The following IMMP2L variants were observed in gnomAD, a reference collection of about 807,000 sequenced individuals.
IMMP2L encodes the protein mitochondrial inner membrane protease subunit 2.
In IMMP2L, 18 loss-of-function variants were observed where a neutral mutation model predicts 19.3. That is an observed-to-expected ratio of 0.93 (90% CI 0.64 to 1.38). The LOEUF is 1.38. Among genes scored for constraint, IMMP2L ranks in the 40% most tolerant of loss-of-function variants. IMMP2L has a pLI of 0.00. For missense variants in IMMP2L, 233 were observed against 218.2 expected (o/e 1.07, Z -0.43); for synonymous variants, 76 against 73.0 (o/e 1.04, Z -0.21).
intron 5 of IMMP2L, among the ~76,000 whole-genome samples, chr7:110,744,263 A>G (rs1198238643): frequency 6.6e-6 from 1 of 152,198 alleles, no homozygotes. Flanking sequence ...ACTTATAGAT[A>G]TAACCCCCAC....
chr7:110,713,405 T>A (rs1019341357), intron 5 of IMMP2L, among the ~76,000 whole-genome samples: 1 of 152,342 alleles, frequency 6.6e-6, no homozygotes, highest in East Asian at 1.9e-4. Flanking sequence ...TCTTTTTCTG[T>A]TTCCATACGA....
intron 3 of IMMP2L, among the ~76,000 whole-genome samples, chr7:111,175,017 C>T (rs1806883688): frequency 6.6e-6 from 1 of 151,862 alleles, no homozygotes; most frequent in Non-Finnish European, 1.5e-5. Flanking sequence ...AAAGCACATA[C>T]TGAACTCTAT....
intron 3 of IMMP2L, among the ~76,000 whole-genome samples, chr7:111,119,344 T>C (rs1563263528): frequency 6.6e-6 from 1 of 152,184 alleles, no homozygotes; most frequent in Non-Finnish European, 1.5e-5. Context: ...TCTGTTTACT[T>C]CTGTTTCCCC....
At chr7:111,073,864 T>C (rs763910755) in intron 3 of IMMP2L, among the ~76,000 whole-genome samples, 7 of 152,202 alleles carry the variant, frequency 4.6e-5, no homozygotes, top group Non-Finnish European at 8.8e-5. Flanking sequence ...CCTTTGTCTT[T>C]GTTGTAGGGA....
chr7:110,722,197 A>C (rs1795617190), intron 5 of IMMP2L, among the ~76,000 whole-genome samples: 1 of 152,156 alleles, frequency 6.6e-6, no homozygotes, highest in African/African-American at 2.4e-5. Context: ...GGAGCGATGA[A>C]AAACCTGAAG....
intron 3 of IMMP2L, among the ~76,000 whole-genome samples, chr7:111,081,313 C>T (rs1468660364): frequency 6.6e-6 from 1 of 152,172 alleles, no homozygotes; most frequent in Non-Finnish European, 1.5e-5. Context: ...TAAAAACAAA[C>T]AAACAAAAGA....
intron 4 of IMMP2L, among the ~76,000 whole-genome samples, chr7:110,952,320 T>C (rs1048056049): frequency 9.9e-5 from 15 of 152,124 alleles, no homozygotes; most frequent in Non-Finnish European, 2.2e-4. Flanking sequence ...TTTTTTGAAC[T>C]TTTGCATGAG....
At chr7:110,782,531 T>C (rs1799808375) in intron 5 of IMMP2L, among the ~76,000 whole-genome samples, 1 of 151,874 alleles carries the variant, frequency 6.6e-6, no homozygotes, top group South Asian at 2.1e-4. Flanking sequence ...TAAGACTTTT[T>C]TTGTAACTGT....
chr7:111,351,379 C>T (rs942016712), intron 3 of IMMP2L, among the ~76,000 whole-genome samples: 1 of 151,932 alleles, frequency 6.6e-6, no homozygotes, highest in Non-Finnish European at 1.5e-5. Flanking sequence ...TTAGTAGAGA[C>T]GGGGTTTCAC....
rs570782868 is a variant in IMMP2L, at chr7:110,918,696, T to C, written c.306-32001A>G. The stretch of plus-strand genomic sequence containing the variant: ...GTCTTGAACTCCTGACCTCATGATC[T>C]GCCCACCTCGCCCTCTCAAAGTGCT... On this transcript the variant is annotated intron_variant, in intron 4 of 5. Coordinates refer to ENST00000405709, the MANE Select transcript of IMMP2L (RefSeq NM_032549.4). 8.9e-3 allele frequency among the ~76,000 whole-genome samples: 1,350 copies of C among 152,092 alleles called. 14 individuals are homozygous for C. The highest frequency in any genetic ancestry group is 0.018 in the Admixed American group (276 of 15,266).
chr7:111,461,853 G>A lies in IMMP2L; in HGVS notation c.239+25385C>T, dbSNP rs139144662. Among the ~76,000 whole-genome samples, 804 of 151,986 alleles carry A rather than the reference G, an allele frequency of 5.3e-3. 4 individuals are homozygous for A. The highest frequency in any genetic ancestry group is 8.3e-3 in the Non-Finnish European group (561 of 67,932). ...CAACTGTTTCTGTATCACTTGCAAC[G>A]TCACAGCATTCCTTCAAAATGTATT... On this transcript the variant is annotated intron_variant, in intron 3 of 5. Coordinates refer to ENST00000405709, the MANE Select transcript of IMMP2L (RefSeq NM_032549.4).
chr7:111,521,550 T>A (rs1846333801), intron 1 of IMMP2L, 101 bp from the exon 2 acceptor site: 2 of 985,492 alleles, frequency 2.0e-6, no homozygotes, highest in East Asian at 5.0e-5. Context: ...CGAAGGGCAA[T>A]CTTGTCTCTT....
intron 3 of IMMP2L, among the ~76,000 whole-genome samples, chr7:111,243,397 G>C (rs914564097): frequency 6.6e-6 from 1 of 151,872 alleles, no homozygotes; most frequent in African/African-American, 2.4e-5. Flanking sequence ...TTATATTCTT[G>C]CATGGACTAG....
chr7:111,415,464 C>A (rs565779651), intron 3 of IMMP2L, among the ~76,000 whole-genome samples: 2 of 151,882 alleles, frequency 1.3e-5, no homozygotes, highest in East Asian at 3.9e-4. Flanking sequence ...TTACAAGCCA[C>A]TAAGTTTGTG....
At chr7:110,763,770 T>C (rs1042083554) in intron 5 of IMMP2L, among the ~76,000 whole-genome samples, 1 of 152,128 alleles carries the variant, frequency 6.6e-6, no homozygotes, top group African/African-American at 2.4e-5. Context: ...ATCATTGTTG[T>C]TGGACAGAAA....
intron 3 of IMMP2L, among the ~76,000 whole-genome samples, chr7:111,040,776 AAAATCTAATATT>A (rs1443989110): frequency 4.0e-5 from 6 of 149,950 alleles, no homozygotes; most frequent in African/African-American, 1.5e-4. Flanking sequence ...AAAACTATAT[AAAATCTAATATT>A]AAATCTAATA....
chr7:111,025,037 G>A (rs539749056), intron 3 of IMMP2L, among the ~76,000 whole-genome samples: 1 of 152,168 alleles, frequency 6.6e-6, no homozygotes, highest in East Asian at 1.9e-4. Flanking sequence ...AATAGGAATG[G>A]AAATGGTTCA....
At chr7:111,510,426 C>A (rs1200453194) in intron 2 of IMMP2L, among the ~76,000 whole-genome samples, 1 of 151,960 alleles carries the variant, frequency 6.6e-6, no homozygotes, top group African/African-American at 2.4e-5. Flanking sequence ...ATATCAAAAT[C>A]AGTATAGATA....
chr7:111,305,932 G>A (rs1296805728), intron 3 of IMMP2L, among the ~76,000 whole-genome samples: 1 of 152,140 alleles, frequency 6.6e-6, no homozygotes, highest in African/African-American at 2.4e-5. Context: ...CCAGAATAGG[G>A]CAAGGGAATG....
Sources: gnomAD v4.1 joint callset for allele counts (sites outside exome capture counted in the v4.1 genomes callset) on GRCh38, gnomAD v4.1.1 for gene constraint, MANE v1.5 for transcripts, NCBI Gene and HGNC (gene_info 2026-07-23, HGNC 2026-07-21) for gene names.